The following FYN variants were observed in gnomAD, a reference collection of about 807,000 sequenced individuals.
FYN encodes FYN proto-oncogene, Src family tyrosine kinase.
FYN carries 10 observed loss-of-function variants against 70.2 expected under a neutral mutation model. That is an observed-to-expected ratio of 0.14 (90% CI 0.09 to 0.24). FYN has a LOEUF of 0.24. Ranked by LOEUF, FYN falls within the 10% of genes least tolerant of loss-of-function variation. The pLI is 1.00. For synonymous variants in FYN, 236 were observed against 248.6 expected, an observed-to-expected ratio of 0.95 and a Z score of 0.48; for missense variants, 319 against 673.1, an observed-to-expected ratio of 0.47 and a Z score of 5.82.
At chr6:111,805,658 T>C (rs1407477937) in intron 2 of FYN, among the ~76,000 whole-genome samples, 1 of 152,126 alleles carries the variant, frequency 6.6e-6, no homozygotes, top group African/African-American at 2.4e-5. Context: ...GGCACCTGAA[T>C]TGTCTACTGA....
chr6:111,816,632 T>G (rs933619966), intron 2 of FYN, among the ~76,000 whole-genome samples: 1 of 152,214 alleles, frequency 6.6e-6, no homozygotes, highest in Admixed American at 6.5e-5. Flanking sequence ...GTATCATTTT[T>G]CACGTATCAA....
At chr6:111,869,024 G>C (rs1490962739) in intron 1 of FYN, among the ~76,000 whole-genome samples, 1 of 152,214 alleles carries the variant, frequency 6.6e-6, no homozygotes, top group East Asian at 1.9e-4. Context: ...TAACATACTA[G>C]GCTAATGTCT....
chr6:111,680,150 A>C (rs1798722419), intron 12 of FYN, among the ~76,000 whole-genome samples: 1 of 152,252 alleles, frequency 6.6e-6, no homozygotes, highest in South Asian at 2.1e-4. Context: ...CAGTTATCAA[A>C]GTTTGTCCAC....
chr6:111,841,682 A>G (rs1174291565), intron 2 of FYN, among the ~76,000 whole-genome samples: 2 of 151,888 alleles, frequency 1.3e-5, no homozygotes, highest in African/African-American at 4.8e-5. Flanking sequence ...CAATTTTTCA[A>G]CTCTTTCCTT....
intron 2 of FYN, among the ~76,000 whole-genome samples, chr6:111,845,280 A>C (rs1436596834): frequency 6.6e-6 from 1 of 152,134 alleles, no homozygotes; most frequent in Non-Finnish European, 1.5e-5. Context: ...CCTAGTCCAG[A>C]AGGGTCACAG....
intron 3 of FYN, among the ~76,000 whole-genome samples, chr6:111,736,185 AG>A (rs1432409686): frequency 6.6e-6 from 1 of 152,224 alleles, no homozygotes; most frequent in Non-Finnish European, 1.5e-5. Context: ...GTGAGGTCAC[AG>A]GGGATCACCA....
At chr6:111,841,041 A>G (rs1374668088) in intron 2 of FYN, among the ~76,000 whole-genome samples, 1 of 152,170 alleles carries the variant, frequency 6.6e-6, no homozygotes, top group African/African-American at 2.4e-5. Context: ...TCTCCTGGCA[A>G]CATCCAGCTT....
At chr6:111,679,430 T>A (rs1198571244) in intron 12 of FYN, among the ~76,000 whole-genome samples, 1 of 152,228 alleles carries the variant, frequency 6.6e-6, no homozygotes, top group African/African-American at 2.4e-5. Context: ...AGATAAATAC[T>A]GTGCTTGAGT....
At chr6:111,686,395 C>T (rs1228227855) in intron 12 of FYN, among the ~76,000 whole-genome samples, 1 of 152,142 alleles carries the variant, frequency 6.6e-6, no homozygotes, top group Non-Finnish European at 1.5e-5. Context: ...TGTCTGACCT[C>T]GGAGGGCAGG....
chr6:111,784,304 G>T (rs1027132678), intron 2 of FYN, among the ~76,000 whole-genome samples: 5 of 152,098 alleles, frequency 3.3e-5, no homozygotes, highest in Admixed American at 6.5e-5. Flanking sequence ...TCAATTACCT[G>T]CAGCTGGAAA....
chr6:111,761,495 G>T (rs1803003389), intron 3 of FYN, among the ~76,000 whole-genome samples: 1 of 152,202 alleles, frequency 6.6e-6, no homozygotes, highest in South Asian at 2.1e-4. Context: ...GCAGTGCACT[G>T]GAATTCTGGA....
chr6:111,716,161 T>G (rs1043103951), intron 4 of FYN, among the ~76,000 whole-genome samples: 1 of 152,242 alleles, frequency 6.6e-6, no homozygotes, highest in African/African-American at 2.4e-5. Flanking sequence ...TCTATTTTCT[T>G]TTGTGCTGGG....
At chr6:111,755,344 A>C (rs935337861) in intron 3 of FYN, among the ~76,000 whole-genome samples, 1 of 152,194 alleles carries the variant, frequency 6.6e-6, no homozygotes. Context: ...ATGCCAATGG[A>C]AAGTTCTTTA....
chr6:111,819,103 C>T (rs190226440), intron 2 of FYN, among the ~76,000 whole-genome samples: 5 of 152,320 alleles, frequency 3.3e-5, no homozygotes, highest in Non-Finnish European at 7.3e-5. Flanking sequence ...CATCTTTTCT[C>T]ACCCAAACTG....
At chr6:111,730,182 C>T (rs369694151) in intron 3 of FYN, among the ~76,000 whole-genome samples, 14 of 152,118 alleles carry the variant, frequency 9.2e-5, no homozygotes, top group African/African-American at 2.9e-4. Context: ...AGCAGTGAGG[C>T]GCAGTGCTGG....
chr6:111,745,812 A>C (rs1455829343), intron 3 of FYN, among the ~76,000 whole-genome samples: 2 of 152,258 alleles, frequency 1.3e-5, no homozygotes, highest in East Asian at 3.8e-4. Flanking sequence ...TCTCTTCCAA[A>C]TTCTGAATTA....
intron 3 of FYN, among the ~76,000 whole-genome samples, chr6:111,772,530 C>A (rs1379075263): frequency 6.6e-6 from 1 of 152,158 alleles, no homozygotes; most frequent in East Asian, 1.9e-4. Context: ...AAACCTAGCA[C>A]TGAGGATGGT....
intron 2 of FYN, among the ~76,000 whole-genome samples, chr6:111,835,300 A>G (rs923087112): frequency 6.6e-6 from 1 of 152,254 alleles, no homozygotes; most frequent in East Asian, 1.9e-4. Flanking sequence ...GCATTGTAAC[A>G]TGAAAACAAA....
intron 10 of FYN, among the ~76,000 whole-genome samples, chr6:111,695,621 G>T (rs1799538266): frequency 6.6e-6 from 1 of 152,146 alleles, no homozygotes; most frequent in Non-Finnish European, 1.5e-5. Flanking sequence ...ACATGGAAAA[G>T]AAAAATTACA....
Sources: gnomAD v4.1 joint callset for allele counts (sites outside exome capture counted in the v4.1 genomes callset) on GRCh38, gnomAD v4.1.1 for gene constraint, MANE v1.5 for transcripts, NCBI Gene and HGNC (gene_info 2026-07-23, HGNC 2026-07-21) for gene names.